The following UGT3A1 variants were observed in gnomAD, a reference collection of about 807,000 sequenced individuals.
The protein encoded by UGT3A1 is UDP glycosyltransferase family 3 member A1, also known as UDP-glycosyltransferase 3A1.
Under a neutral mutation model 37.6 loss-of-function variants are expected in UGT3A1, and 40 were observed. That is an observed-to-expected ratio of 1.06 (90% confidence interval 0.83 to 1.38). The LOEUF (loss-of-function observed/expected upper bound fraction) is 1.38, where lower values mean the gene tolerates loss of function less well. Ranked by LOEUF, UGT3A1 falls within the 40% of genes most tolerant of loss-of-function variation. The pLI, the probability that UGT3A1 is intolerant of heterozygous loss-of-function variation, is 0.00. For synonymous variants in UGT3A1, 256 were observed against 232.3 expected (o/e 1.10, Z -0.93); for missense variants, 642 against 634.2 (o/e 1.01, Z -0.13).
intron 4 of UGT3A1, among the ~76,000 whole-genome samples, chr5:35,965,025 CCTT>C (rs1407564372): frequency 6.6e-6 from 1 of 152,212 alleles, no homozygotes; most frequent in Non-Finnish European, 1.5e-5. Context: ...TAGCTCATCT[CCTT>C]AACAATTATT....
chr5:35,985,595 T>A (rs1740699082), intron 2 of UGT3A1, among the ~76,000 whole-genome samples: 1 of 151,980 alleles, frequency 6.6e-6, no homozygotes, highest in Non-Finnish European at 1.5e-5. Context: ...CAAGAACATA[T>A]AATGAGGAAA....
At chr5:35,980,062 T>G (rs1740457260) in intron 2 of UGT3A1, among the ~76,000 whole-genome samples, 1 of 152,222 alleles carries the variant, frequency 6.6e-6, no homozygotes, top group Non-Finnish European at 1.5e-5. Flanking sequence ...GAGATTCTGG[T>G]GGGGACACAG....
At chr5:35,999,456 G>T (rs1741172160) in intron 1 of UGT3A1, among the ~76,000 whole-genome samples, 4 of 152,084 alleles carry the variant, frequency 2.6e-5, no homozygotes, top group Admixed American at 2.0e-4. Context: ...AAAACATGTT[G>T]AAAGAAACTG....
chr5:35,975,845 A>G (rs1740247411), intron 2 of UGT3A1, among the ~76,000 whole-genome samples: 1 of 152,162 alleles, frequency 6.6e-6, no homozygotes, highest in South Asian at 2.1e-4. Flanking sequence ...CCCTCCCTGA[A>G]GAATTTTTAA....
At chr5:35,984,217 A>C (rs559985587) in intron 2 of UGT3A1, among the ~76,000 whole-genome samples, 1 of 152,368 alleles carries the variant, frequency 6.6e-6, no homozygotes, top group South Asian at 2.1e-4. Context: ...ATGATAAAAA[A>C]TCAAAGTACA....
chr5:35,981,018 T>C (rs1451804555), intron 2 of UGT3A1, among the ~76,000 whole-genome samples: 3 of 152,164 alleles, frequency 2.0e-5, no homozygotes, highest in African/African-American at 7.2e-5. Context: ...AATTTTCTGG[T>C]CAGGAGAAGA....
At chr5:35,976,908 GGA>G (rs1207986359) in intron 2 of UGT3A1, among the ~76,000 whole-genome samples, 1 of 142,008 alleles carries the variant, frequency 7.0e-6, no homozygotes, top group Non-Finnish European at 1.5e-5. Flanking sequence ...AAGGAAGGAA[GGA>G]GAGAGAGAAA....
At chr5:35,981,151 C>T (rs753388243) in intron 2 of UGT3A1, among the ~76,000 whole-genome samples, 2 of 152,086 alleles carry the variant, frequency 1.3e-5, no homozygotes, top group Non-Finnish European at 1.5e-5. Context: ...TGGTGAGGTA[C>T]AGAAAACTGT....
intron 2 of UGT3A1, among the ~76,000 whole-genome samples, chr5:35,975,004 A>T (rs996215924): frequency 3.3e-5 from 5 of 152,212 alleles, no homozygotes; most frequent in African/African-American, 1.2e-4. Flanking sequence ...GGTATGTTAT[A>T]AGACCTATCT....
intron 5 of UGT3A1, among the ~76,000 whole-genome samples, chr5:35,956,634 T>C (rs964627158): frequency 1.3e-5 from 2 of 152,228 alleles, no homozygotes; most frequent in African/African-American, 4.8e-5. Flanking sequence ...TACCTGGCTA[T>C]GTGATTACTC....
chr5:35,989,094 A>C (rs1740839020), intron 1 of UGT3A1, among the ~76,000 whole-genome samples: 2 of 152,218 alleles, frequency 1.3e-5, no homozygotes, highest in African/African-American at 4.8e-5. Flanking sequence ...CATTGGACAG[A>C]AGCTACTACT....
intron 4 of UGT3A1, among the ~76,000 whole-genome samples, chr5:35,963,350 C>T (rs1739666603): frequency 6.6e-6 from 1 of 152,110 alleles, no homozygotes; most frequent in Non-Finnish European, 1.5e-5. Flanking sequence ...TTTCTAGGCC[C>T]TCAGCCTGAA....
intron 4 of UGT3A1, among the ~76,000 whole-genome samples, chr5:35,958,119 G>A (rs1231463396): frequency 6.6e-6 from 1 of 151,958 alleles, no homozygotes; most frequent in Admixed American, 6.6e-5. Flanking sequence ...ATTTTTAAAT[G>A]ATACTTATAA....
chr5:35,975,853 TAA>T (rs1321143922), intron 2 of UGT3A1, among the ~76,000 whole-genome samples: 1 of 152,178 alleles, frequency 6.6e-6, no homozygotes, highest in Non-Finnish European at 1.5e-5. Flanking sequence ...GAAGAATTTT[TAA>T]AAGACACAGT....
In UGT3A1 at chr5:35,983,539, C is replaced by G. The variant is rs541531666; in HGVS notation, c.196+4911G>C. On this transcript the variant is annotated intron_variant, in intron 2 of 6. Coordinates refer to ENST00000274278, the MANE Select transcript of UGT3A1 (RefSeq NM_152404.4). The stretch of plus-strand genomic sequence containing the variant: ...AAAGATCAGGGGCTATTTTCAAACT[C>G]ATTCTATAGGGCCAGCCATACTCTG... Among the ~76,000 whole-genome samples the G allele has an allele frequency of 2.0e-5, 3 of 152,172 alleles. No individual in the cohort carries two copies. The East Asian group carries it at 5.8e-4, about 29-fold the overall frequency.
upstream of UGT3A1, chr5:35,991,669 T>C: frequency 1.0e-6 from 1 of 991,436 alleles, no homozygotes; most frequent in Non-Finnish European, 1.2e-6. Flanking sequence ...TCTGCTTCCC[T>C]TCCAGCTGCC....
At chr5:35,962,923 G>C (rs1484081513) in intron 4 of UGT3A1, 1 of 702,958 alleles carries the variant, frequency 1.4e-6, no homozygotes, top group Admixed American at 2.0e-5. Flanking sequence ...GAATAAGCTG[G>C]GGGTGGTGAA....
intron 1 of UGT3A1, among the ~76,000 whole-genome samples, chr5:36,000,682 C>T (rs1374703503): frequency 6.6e-6 from 1 of 152,176 alleles, no homozygotes; most frequent in East Asian, 1.9e-4. Context: ...CAGGACCAGG[C>T]ATGTATACAA....
intron 2 of UGT3A1, among the ~76,000 whole-genome samples, chr5:35,983,946 A>G (rs916520463): frequency 1.1e-4 from 16 of 152,188 alleles, no homozygotes; most frequent in Non-Finnish European, 1.9e-4. Flanking sequence ...AACTAAAATC[A>G]TATCAAATAG....
Sources: allele counts gnomAD v4.1 joint callset (sites outside exome capture counted in the v4.1 genomes callset), GRCh38; gene constraint gnomAD v4.1.1; transcripts MANE v1.5; gene names NCBI Gene and HGNC (gene_info 2026-07-23, HGNC 2026-07-21).